PCDHGC5: variants seen among roughly 807,000 people sequenced by gnomAD.
The protein encoded by PCDHGC5 is protocadherin gamma subfamily C, 5, also known as protocadherin gamma-C5.
In PCDHGC5, 25 loss-of-function variants were observed where a neutral mutation model predicts 59.0. The ratio of observed to expected loss-of-function variants is 0.42; its 90% CI spans 0.31 to 0.59. The LOEUF is 0.59. Among genes scored for constraint, PCDHGC5 ranks in the 20% least tolerant of loss-of-function variants. PCDHGC5 has a pLI of 0.13. For missense variants in PCDHGC5, 1,067 were observed against 1,206.4 expected (o/e 0.88, Z 1.71); for synonymous variants, 434 against 505.5 (o/e 0.86, Z 1.90).
chr5:141,491,022 C>T lies in PCDHGC5; in HGVS notation c.1782C>T (p.Ala594=), dbSNP rs1431293281. 6.8e-6 allele frequency: 11 copies of T among 1,614,116 alleles called. No homozygotes were observed. Among genetic ancestry groups the T allele is most frequent in the East Asian group, 2.2e-5 (1 of 44,886 alleles). The change falls in exon 1 of 4, where the codon GCC becomes GCT. Residue 594 remains alanine, a synonymous_variant. Coordinates refer to ENST00000252087, the MANE Select transcript of PCDHGC5 (RefSeq NM_018929.3). The surrounding 1 kb of genome is among the most constrained non-coding windows in gnomAD (Gnocchi z 6.9). ...PPGSLVTKVT[A]VDADAGHNAW... is the part of the protein sequence containing the mutation. ...GCTCCTTGGTCACCAAGGTGACAGCCGTGGATGCTGATGCAGGCCACAATG... is the reference window on the plus strand; with the variant it reads ...GCTCCTTGGTCACCAAGGTGACAGCTGTGGATGCTGATGCAGGCCACAATG...
chr5:141,503,214 T>C (rs994291483), intron 2 of PCDHGC5, among the ~76,000 whole-genome samples: 7 of 152,096 alleles, frequency 4.6e-5, no homozygotes, highest in African/African-American at 1.7e-4. Flanking sequence ...GTGCCCACCA[T>C]GAGCACCGTA....
rs1562131721 is a variant in PCDHGC5, at chr5:141,489,636, C to CGAGA, written c.396_397insGAGA (p.Phe133GlufsTer6). 10 of 1,614,074 alleles carry CGAGA rather than the reference C, an allele frequency of 6.2e-6. No individual in the cohort carries two copies. The highest frequency in any genetic ancestry group is 2.7e-5 in the African/African-American group (2 of 74,930). On this transcript the variant is annotated frameshift_variant, in exon 1 of 4. Coordinates refer to ENST00000252087, the MANE Select transcript of PCDHGC5 (RefSeq NM_018929.3). LOFTEE classifies it high-confidence loss of function. This position sits in a 1 kb window ranked among gnomAD's most constrained non-coding sequence, Gnocchi z 4.5. ...TGGATCTCAATGACAACTCTCCTAG[C>CGAGA]TTTGCCACCCCTGAGCGAGAGATGC...
In PCDHGC5 at chr5:141,493,145, AG is replaced by A. The variant is rs11350413; in HGVS notation, c.2460+1447del. Among the ~76,000 whole-genome samples the A allele has an allele frequency of 0.17, 26,475 of 152,128 alleles. 2,528 individuals carry two copies. The highest frequency in any genetic ancestry group is 0.28 in the Admixed American group (4,206 of 15,272). ...TAGGACTGTATTTTGAAACACCCCC[AG>A]GTGATTTTGATAGCTGATTGAGAGA... is the stretch of plus-strand genomic sequence containing the variant. On this transcript the variant is annotated intron_variant, in intron 1 of 3. Transcript: ENST00000252087. The surrounding 1 kb of genome is among the most constrained non-coding windows in gnomAD (Gnocchi z 4.3).
intron 2 of PCDHGC5, among the ~76,000 whole-genome samples, chr5:141,495,377 G>A (rs558501090): frequency 1.9e-4 from 29 of 152,330 alleles, no homozygotes; most frequent in Admixed American, 6.5e-4. Flanking sequence ...ACTGAGGAAG[G>A]ACTGGGCGGG....
rs765809429 is a variant in PCDHGC5 at position 141,511,205 on chromosome 5, C to A, written c.*32C>A. On this transcript the variant is annotated 3_prime_UTR_variant, in exon 4 of 4. Coordinates refer to ENST00000252087, the MANE Select transcript of PCDHGC5 (RefSeq NM_018929.3). ...GGCCAGGCCAAGAGCCACAGGGCGGCCTCTCCCCAACCAGCCCAGCTTCTC... is the reference window on the plus strand; with the variant it reads ...GGCCAGGCCAAGAGCCACAGGGCGGACTCTCCCCAACCAGCCCAGCTTCTC... 4.3e-6 allele frequency: 7 copies of A among 1,611,426 alleles called. No homozygotes were observed. The Admixed American group carries it at 6.7e-5, about 15-fold the overall frequency.
Position 141,489,267 on chromosome 5 carries a change from C to T in PCDHGC5, c.27C>T (p.Leu9=), listed in dbSNP as rs370726160. 27 of 1,553,302 alleles carry T rather than the reference C, an allele frequency of 1.7e-5. No individual in the cohort carries two copies. Among genetic ancestry groups the T allele is most frequent in the African/African-American group, 8.2e-5 (6 of 73,324 alleles). ...TGGGGCCCAAGACACTCCCACAGCT[C>T]GCTGGGAAATGGCAAGTGCTGTGCA... MGPKTLPQ[L]AGKWQVLCML... Residue 9 remains leucine, a synonymous_variant, in exon 1 of 4, where the codon CTC becomes CTT. Transcript: ENST00000252087. This position sits in a 1 kb window ranked among gnomAD's most constrained non-coding sequence, Gnocchi z 4.5.
rs537087639 is a variant in PCDHGC5 at position 141,510,502 on chromosome 5, G to A, written c.2609-445G>A. 3.3e-5 allele frequency among the ~76,000 whole-genome samples: 5 copies of A among 152,296 alleles called. No homozygotes were observed. The South Asian group carries it at 6.2e-4, about 19-fold the overall frequency. ...CTTGAGAAAGCCAGGGCAAGGAACTGAGAGCCCGTGTCACAGCCCTGAGAG... is the reference window on the plus strand; with the variant it reads ...CTTGAGAAAGCCAGGGCAAGGAACTAAGAGCCCGTGTCACAGCCCTGAGAG... On this transcript the variant is annotated intron_variant, in intron 3 of 3. Coordinates refer to ENST00000252087, the MANE Select transcript of PCDHGC5 (RefSeq NM_018929.3).
chr5:141,499,408 G>C (rs1178843162), intron 2 of PCDHGC5, among the ~76,000 whole-genome samples: 1 of 151,896 alleles, frequency 6.6e-6, no homozygotes, highest in Non-Finnish European at 1.5e-5. Context: ...GCTCATTATA[G>C]AAACATGAAA....
At position 141,491,489 on chromosome 5, in the gene PCDHGC5, A is replaced by T; in HGVS notation, c.2249A>T (p.Gln750Leu). 1.2e-6 allele frequency: 2 copies of T among 1,614,130 alleles called. No individual in the cohort carries two copies. Among genetic ancestry groups the T allele is most frequent in the Non-Finnish European group, 1.7e-6 (2 of 1,180,018 alleles). The change falls in exon 1 of 4, where the codon CAG (glutamine) becomes CTG (leucine). Residue 750 changes from glutamine to leucine, a missense_variant. Coordinates refer to ENST00000252087, the MANE Select transcript of PCDHGC5 (RefSeq NM_018929.3). This position sits in a 1 kb window ranked among gnomAD's most constrained non-coding sequence, Gnocchi z 6.9. ...TATAAGCAGTCCAGCCCCAACCTGC[A>T]GGTGAGCTCGGACGGCACGCTCAAG... is the stretch of plus-strand genomic sequence containing the variant. ...DFYKQSSPNL[Q>L]VSSDGTLKYM...
intron 2 of PCDHGC5, among the ~76,000 whole-genome samples, chr5:141,499,214 C>T (rs1228581603): frequency 6.6e-6 from 1 of 152,074 alleles, no homozygotes; most frequent in Non-Finnish European, 1.5e-5. Flanking sequence ...TAACCCAGGC[C>T]CTGCCCTGCA....
chr5:141,508,979 G>C (rs1317798009), intron 3 of PCDHGC5, among the ~76,000 whole-genome samples: 1 of 152,110 alleles, frequency 6.6e-6, no homozygotes, highest in Admixed American at 6.5e-5. Context: ...GCTGGGGGTG[G>C]GGGCCAGCTG....
chr5:141,503,912 AAC>A lies in PCDHGC5; in HGVS notation c.2520-1471_2520-1470del, dbSNP rs34419983. Among the ~76,000 whole-genome samples, 284 of 152,278 alleles carry A rather than the reference AAC, an allele frequency of 1.9e-3. 1 individual carries two copies. The highest frequency in any genetic ancestry group is 0.014 in the Middle Eastern group (4 of 292). Reference sequence around the variant, plus strand: ...GACAAAATATGCACACACACAACGCAACACACACACAGACATTTTCATGCCTT... The same window carrying A: ...GACAAAATATGCACACACACAACGCAACACACACAGACATTTTCATGCCTT... On this transcript the variant is annotated intron_variant, in intron 2 of 3. Coordinates refer to ENST00000252087, the MANE Select transcript of PCDHGC5 (RefSeq NM_018929.3).
chr5:141,507,616 G>A (rs1288020739), intron 3 of PCDHGC5, among the ~76,000 whole-genome samples: 3 of 152,252 alleles, frequency 2.0e-5, no homozygotes, highest in Non-Finnish European at 4.4e-5. Context: ...GGTATATTTA[G>A]CTGTTGTGGC....
chr5:141,504,010 C>G (rs980812107), intron 2 of PCDHGC5, among the ~76,000 whole-genome samples: 9 of 152,204 alleles, frequency 5.9e-5, no homozygotes, highest in African/African-American at 1.2e-4. Context: ...TTAACTGTCT[C>G]TGCTGGTCTC....
In PCDHGC5 at chr5:141,490,803, C is replaced by A; in HGVS notation, c.1563C>A (p.Thr521=). The A allele has an allele frequency of 6.2e-7, 1 of 1,613,956 alleles. No homozygotes were observed. Among genetic ancestry groups the A allele is most frequent in the South Asian group, 1.1e-5 (1 of 91,080 alleles). The change falls in exon 1 of 4, where the codon ACC becomes ACA. Residue 521 remains threonine, a synonymous_variant. Transcript: ENST00000252087. The surrounding 1 kb of genome is among the most constrained non-coding windows in gnomAD (Gnocchi z 5.4). ...PEDGRIFAQR[T]FDYELLQMLQ... ...ATGGACGGATCTTTGCCCAGCGTAC[C>A]TTTGACTATGAATTGCTGCAGATGC...
In PCDHGC5 at chr5:141,489,950, A is replaced by C. The variant is rs1055715796; in HGVS notation, c.710A>C (p.Asp237Ala). 1 of 1,614,192 alleles carries C rather than the reference A, an allele frequency of 6.2e-7. No homozygotes were observed. The highest frequency in any genetic ancestry group is 1.3e-5 in the African/African-American group (1 of 75,060). ...TCTGTCATCGTGCTGGACATCAATG[A>C]TAATGCTCCAACCTTCCAATCCTCA... is the stretch of plus-strand genomic sequence containing the variant. ...LISVIVLDIN[D>A]NAPTFQSSVL... is the part of the protein sequence containing the mutation. The change falls in exon 1 of 4, where the codon GAT (aspartate) becomes GCT (alanine). Residue 237 changes from aspartate to alanine, a missense_variant. Coordinates refer to ENST00000252087, the MANE Select transcript of PCDHGC5 (RefSeq NM_018929.3). The surrounding 1 kb of genome is among the most constrained non-coding windows in gnomAD (Gnocchi z 4.5).
At chr5:141,505,616 C>T in intron 3 of PCDHGC5, 135 bp downstream of exon 3, 2 of 1,503,162 alleles carry the variant, frequency 1.3e-6, no homozygotes, top group South Asian at 1.3e-5. Flanking sequence ...CTGAAAGGAC[C>T]CACAATTCCA....
At chr5:141,502,953 C>G (rs145774277) in intron 2 of PCDHGC5, among the ~76,000 whole-genome samples, 1,594 of 147,762 alleles carry the variant, frequency 0.011, 24 homozygotes, top group African/African-American at 0.037. Context: ...AAGCGATTCT[C>G]CTGCCTCAGC....
chr5:141,491,857 G>A lies in PCDHGC5; in HGVS notation c.2460+157G>A. Reference sequence around the variant, plus strand: ...CTCGGGATCATTGGACCGTTTGCGCGAAACCAGAGTGGCCGATTAAGGGAT... The same window carrying A: ...CTCGGGATCATTGGACCGTTTGCGCAAAACCAGAGTGGCCGATTAAGGGAT... On this transcript the variant is annotated intron_variant, in intron 1 of 3. Transcript: ENST00000252087. This position sits in a 1 kb window ranked among gnomAD's most constrained non-coding sequence, Gnocchi z 6.9. The A allele has an allele frequency of 6.9e-7, 1 of 1,457,470 alleles. No homozygotes were observed. The highest frequency in any genetic ancestry group is 1.5e-5 in the South Asian group (1 of 68,508). The allele number at this position is 1,457,470 out of a possible 1,614,324, so 90.3% of individuals were successfully genotyped here. A position where few individuals can be genotyped will look rare whatever the true frequency, so the allele number is the denominator to read the frequency against.
Sources: gnomAD v4.1 joint callset for allele counts (sites outside exome capture counted in the v4.1 genomes callset) on GRCh38, gnomAD v4.1.1 for gene constraint, Gnocchi (gnomAD v3.1) non-coding constraint, MANE v1.5 for transcripts, NCBI Gene and HGNC (gene_info 2026-07-23, HGNC 2026-07-21) for gene names.